The following FAM151B variants were observed in gnomAD, a reference collection of about 807,000 sequenced individuals.
FAM151B encodes the protein family with sequence similarity 151 member B.
In FAM151B, 24 loss-of-function variants were observed where a neutral mutation model predicts 31.2. That is an observed-to-expected ratio of 0.77 (90% CI 0.56 to 1.08). FAM151B has a LOEUF of 1.08. FAM151B is among the 50% of genes least tolerant of loss of function. FAM151B has a pLI of 0.00. For missense variants in FAM151B, 293 were observed against 328.6 expected, an observed-to-expected ratio of 0.89 and a Z score of 0.84; for synonymous variants, 105 against 111.4, an observed-to-expected ratio of 0.94 and a Z score of 0.36.
In FAM151B at chr5:80,514,476, AAATAATAATAATAAT is replaced by A. The variant is rs139355800; in HGVS notation, c.317+739_317+753del. Among the ~76,000 whole-genome samples, 177 of 139,338 alleles carry A rather than the reference AAATAATAATAATAAT, an allele frequency of 1.3e-3. 1 individual carries two copies. The highest frequency in any genetic ancestry group is 1.6e-3 in the Non-Finnish European group (104 of 64,576). 91.4% of individuals were successfully genotyped at this position (139,338 alleles called of 152,430 possible). On this transcript the variant is annotated intron_variant, in intron 3 of 5. Transcript: ENST00000282226. The stretch of plus-strand genomic sequence containing the variant: ...GGCTACAAGAGTGAAACTCCCTCTC[AAATAATAATAATAAT>A]AATAATAATAATAATAATAATAATA...
rs1355126045 is a variant in FAM151B at position 80,541,993 on chromosome 5, A to G, written c.*161A>G. 7 of 683,610 alleles carry G rather than the reference A, an allele frequency of 1.0e-5. No individual in the cohort carries two copies. In the Admixed American group the frequency reaches 2.4e-4, roughly 23 times the overall value. 42.3% of individuals were successfully genotyped at this position (683,610 alleles called of 1,614,324 possible). A position where few individuals can be genotyped will look rare whatever the true frequency, so the allele number is the denominator to read the frequency against. ...TTACTCTGTGGGCATATGTCCTTAT[A>G]ATAGTGCACTTACATAAAAGATTTG... On this transcript the variant is annotated 3_prime_UTR_variant, in exon 6 of 6. Coordinates refer to ENST00000282226, the MANE Select transcript of FAM151B (RefSeq NM_205548.3).
chr5:80,506,521 G>A lies in FAM151B; in HGVS notation c.151+4604G>A, dbSNP rs143091214. 2.4e-3 allele frequency among the ~76,000 whole-genome samples: 364 copies of A among 152,192 alleles called. 3 individuals are homozygous for A. Among genetic ancestry groups the A allele is most frequent in the African/African-American group, 8.5e-3 (355 of 41,532 alleles). The stretch of plus-strand genomic sequence containing the variant: ...GAATCTGAATTTCTATTTATTTGCC[G>A]CCAGAAGCATCCAGTAGATCTATGA... On this transcript the variant is annotated intron_variant, in intron 2 of 5. Transcript: ENST00000282226.
chr5:80,519,623 C>T, intron 3 of FAM151B, 70 bp from the exon 4 acceptor site: 1 of 1,268,164 alleles, frequency 7.9e-7, no homozygotes, highest in South Asian at 1.3e-5. Context: ...ATTGAGACCA[C>T]TAGTCTAAAA....
intron 5 of FAM151B, among the ~76,000 whole-genome samples, chr5:80,531,070 G>C (rs935459820): frequency 8.6e-5 from 13 of 151,940 alleles, no homozygotes; most frequent in Admixed American, 2.6e-4. Flanking sequence ...TAGAGCCCTT[G>C]GAAATGAGAC....
chr5:80,519,624 T>C, intron 3 of FAM151B, 69 bp from the exon 4 acceptor site: 2 of 1,277,172 alleles, frequency 1.6e-6, no homozygotes, highest in Non-Finnish European at 2.2e-6. Flanking sequence ...TTGAGACCAC[T>C]AGTCTAAAAG....
At chr5:80,514,748 A>G (rs550365226) in intron 3 of FAM151B, among the ~76,000 whole-genome samples, 2 of 152,192 alleles carry the variant, frequency 1.3e-5, no homozygotes, top group South Asian at 4.1e-4. Flanking sequence ...ATATTTTTAA[A>G]TAGAATTATC....
chr5:80,495,918 A>G (rs1021744920), intron 1 of FAM151B, among the ~76,000 whole-genome samples: 8 of 151,852 alleles, frequency 5.3e-5, no homozygotes, highest in African/African-American at 1.7e-4. Context: ...CATTATCGCA[A>G]TTTTATGATA....
chr5:80,499,397 A>T (rs985730936), intron 1 of FAM151B, among the ~76,000 whole-genome samples: 1 of 152,318 alleles, frequency 6.6e-6, no homozygotes, highest in Non-Finnish European at 1.5e-5. Context: ...AATTCAAGAG[A>T]TTACTTGCTC....
intron 4 of FAM151B, among the ~76,000 whole-genome samples, chr5:80,520,713 GTA>G (rs1197920944): frequency 7.1e-6 from 1 of 140,734 alleles, no homozygotes; most frequent in Non-Finnish European, 1.5e-5. Flanking sequence ...TATTTATTAT[GTA>G]TATAGTTTAT....
intron 1 of FAM151B, among the ~76,000 whole-genome samples, chr5:80,496,460 G>A (rs1743539959): frequency 6.6e-6 from 1 of 152,162 alleles, no homozygotes; most frequent in South Asian, 2.1e-4. Flanking sequence ...ACTTTTATAT[G>A]TACTGGGAAA....
intron 5 of FAM151B, 174 bp downstream of exon 5, chr5:80,522,312 G>A (rs1283104387): frequency 1.8e-6 from 1 of 566,770 alleles, no homozygotes; most frequent in Non-Finnish European, 2.9e-6. Context: ...GCTCCTTGAT[G>A]AACCTTAACT....
intron 2 of FAM151B, among the ~76,000 whole-genome samples, chr5:80,511,616 T>A (rs948494480): frequency 6.6e-6 from 1 of 151,816 alleles, no homozygotes; most frequent in Non-Finnish European, 1.5e-5. Flanking sequence ...TAAAAAAAAT[T>A]TTTTTTTGAG....
chr5:80,541,889 G>T lies in FAM151B; in HGVS notation c.*57G>T. On this transcript the variant is annotated 3_prime_UTR_variant, in exon 6 of 6. Coordinates refer to ENST00000282226, the MANE Select transcript of FAM151B (RefSeq NM_205548.3). Reference sequence around the variant, plus strand: ...GGTTTCATAATCCTTCTCTCCATTGGTCTGAATTAATTACCATATAAATTA... The same window carrying T: ...GGTTTCATAATCCTTCTCTCCATTGTTCTGAATTAATTACCATATAAATTA... 13 of 1,519,380 alleles carry T rather than the reference G, an allele frequency of 8.6e-6. No individual in the cohort carries two copies. The highest frequency in any genetic ancestry group is 1.2e-5 in the Non-Finnish European group (13 of 1,121,368). The allele number at this position is 1,519,380 out of a possible 1,614,324, so 94.1% of individuals were successfully genotyped here.
rs917557134 is a variant in FAM151B at position 80,508,418 on chromosome 5, A to G, written c.152-5186A>G. On this transcript the variant is annotated intron_variant, in intron 2 of 5. Coordinates refer to ENST00000282226, the MANE Select transcript of FAM151B (RefSeq NM_205548.3). Reference sequence around the variant, plus strand: ...TGTGGATAAGGGTTCTAGTTTCTCCACATCTTTGCCAACACTTGTTATTGT... The same window carrying G: ...TGTGGATAAGGGTTCTAGTTTCTCCGCATCTTTGCCAACACTTGTTATTGT... Among the ~76,000 whole-genome samples the G allele has an allele frequency of 2.0e-5, 3 of 151,898 alleles. No individual in the cohort carries two copies. The East Asian group carries it at 5.8e-4, about 29-fold the overall frequency.
At position 80,531,463 on chromosome 5, in the gene FAM151B, G is replaced by A. The variant is rs528735448; in HGVS notation, c.671+9325G>A. 3.3e-5 allele frequency among the ~76,000 whole-genome samples: 5 copies of A among 152,220 alleles called. No individual in the cohort carries two copies. In the South Asian group the frequency reaches 1.0e-3, roughly 32 times the overall value. The stretch of plus-strand genomic sequence containing the variant: ...AGTGAACAGGCAACCTACAGAATGG[G>A]AGAAAATTTTTACAATCTACCCATC... On this transcript the variant is annotated intron_variant, in intron 5 of 5. Transcript: ENST00000282226.
chr5:80,489,799 C>T (rs1306678379), intron 1 of FAM151B, among the ~76,000 whole-genome samples: 1 of 152,084 alleles, frequency 6.6e-6, no homozygotes, highest in African/African-American at 2.4e-5. Flanking sequence ...GTGGCGGCGC[C>T]TGTAGTCTCA....
chr5:80,492,486 T>C (rs1743368739), intron 1 of FAM151B, among the ~76,000 whole-genome samples: 2 of 152,102 alleles, frequency 1.3e-5, no homozygotes, highest in East Asian at 1.9e-4. Context: ...TAAATAAATA[T>C]GGTGTGTGTT....
At chr5:80,488,283 C>T (rs943166905) in intron 1 of FAM151B, 135 bp downstream of exon 1, 5 of 1,185,890 alleles carry the variant, frequency 4.2e-6, no homozygotes, top group Admixed American at 6.1e-5. Context: ...AACCGGGCGG[C>T]TGGGCTTGGA....
chr5:80,540,997 C>G (rs1745859893), intron 5 of FAM151B, among the ~76,000 whole-genome samples: 1 of 152,152 alleles, frequency 6.6e-6, no homozygotes, highest in African/African-American at 2.4e-5. Flanking sequence ...CTTTGCATTT[C>G]CCTAGACTTG....
Sources: gnomAD v4.1 joint callset for allele counts (sites outside exome capture counted in the v4.1 genomes callset) on GRCh38, gnomAD v4.1.1 for gene constraint, MANE v1.5 for transcripts, NCBI Gene and HGNC (gene_info 2026-07-23, HGNC 2026-07-21) for gene names.